POLQ: variants seen among roughly 807,000 people sequenced by gnomAD.
POLQ encodes epididymis secretory sperm binding protein.
Under a neutral mutation model 259.2 loss-of-function variants are expected in POLQ, and 233 were observed. The ratio of observed to expected loss-of-function variants is 0.90; its 90% CI spans 0.81 to 1.00. The LOEUF is 1.00. POLQ is among the 50% of genes least tolerant of loss of function. The probability of loss-of-function intolerance (pLI) is 0.00; values close to 1 mark genes in which losing one functional copy is unlikely to be tolerated. For missense variants in POLQ, 2,871 were observed against 3,051.6 expected (o/e 0.94, Z 1.39); for synonymous variants, 1,025 against 1,048.8 (o/e 0.98, Z 0.44).
Position 121,519,853 on chromosome 3 carries a change from A to G in POLQ, c.1468+18T>C. 1 of 1,337,850 alleles carries G rather than the reference A, an allele frequency of 7.5e-7. No individual in the cohort carries two copies. The highest frequency in any genetic ancestry group is 1.1e-6 in the Non-Finnish European group (1 of 928,526). The allele number at this position is 1,337,850 out of a possible 1,614,324, so 82.9% of individuals were successfully genotyped here. A position where few individuals can be genotyped will look rare whatever the true frequency, so the allele number is the denominator to read the frequency against. On this transcript the variant is annotated intron_variant, in intron 9 of 29. Coordinates refer to ENST00000264233, the MANE Select transcript of POLQ (RefSeq NM_199420.4). ...GTCCTTCAGCAATGCTGCTACAATT[A>G]AATTCAAACTCACTTACCTACTGTG... is the stretch of plus-strand genomic sequence containing the variant.
At chr3:121,450,680 C>G (rs1156392114) in intron 25 of POLQ, among the ~76,000 whole-genome samples, 2 of 152,146 alleles carry the variant, frequency 1.3e-5, no homozygotes, top group African/African-American at 4.8e-5. Context: ...ATGGGCTTCC[C>G]TTTGTGGGTA....
In POLQ at chr3:121,432,263, T is replaced by C. The variant is rs1177515087; in HGVS notation, c.*41A>G. On this transcript the variant is annotated 3_prime_UTR_variant, in exon 30 of 30. Coordinates refer to ENST00000264233, the MANE Select transcript of POLQ (RefSeq NM_199420.4). Reference sequence around the variant, plus strand: ...TCTCTGTTCTTTCCAGGTGACTGCATCTGCACAGGCTTCCCTGGGAGGACT... The same window carrying C: ...TCTCTGTTCTTTCCAGGTGACTGCACCTGCACAGGCTTCCCTGGGAGGACT... 2 of 1,553,884 alleles carry C rather than the reference T, an allele frequency of 1.3e-6. No homozygotes were observed. The highest frequency in any genetic ancestry group is 2.4e-5 in the East Asian group (1 of 42,138).
In POLQ at chr3:121,489,783, G is replaced by C; in HGVS notation, c.3148C>G (p.Arg1050Gly). The change falls in exon 16 of 30, where the codon CGA (arginine) becomes GGA (glycine). Residue 1050 changes from arginine (R) to glycine (G), a missense_variant. By Grantham distance (125) the Arg-to-Gly change is moderately radical. Around this residue, in one of 3 missense-constraint regions of POLQ, gnomAD observed 2,080 missense variants for 2,126.0 expected, o/e 0.98. Coordinates refer to ENST00000264233, the MANE Select transcript of POLQ (RefSeq NM_199420.4). ...RSWKRRKHLK[R>G]SRDSSPLKDS... is the part of the protein sequence containing the mutation. ...TTCAGGGGGCTGCTGTCCCTAGATC[G>C]CTTTAGATGCTTTCTACGTTTCCAA... is the stretch of plus-strand genomic sequence containing the variant. The C allele has an allele frequency of 6.2e-7, 1 of 1,612,458 alleles. No homozygotes were observed. The highest frequency in any genetic ancestry group is 2.2e-5 in the East Asian group (1 of 44,862).
chr3:121,537,174 T>A lies in POLQ; in HGVS notation c.666A>T (p.Gly222=). ...CCAGCAGATACCCTCGGTGAGAGTC[T>A]CCCAGCATATGTAATTCATCCACAA... is the stretch of plus-strand genomic sequence containing the variant. ...MVVVDELHML[G]DSHRGYLLEL... Residue 222 remains glycine (G), a synonymous_variant, in exon 5 of 30, where the codon GGA becomes GGT. Transcript: ENST00000264233. The A allele has an allele frequency of 6.2e-7, 1 of 1,603,788 alleles. No homozygotes were observed. Among genetic ancestry groups the A allele is most frequent in the African/African-American group, 1.3e-5 (1 of 74,758 alleles).
intron 24 of POLQ, among the ~76,000 whole-genome samples, chr3:121,460,589 T>A (rs1307236167): frequency 6.6e-6 from 1 of 152,158 alleles, no homozygotes; most frequent in African/African-American, 2.4e-5. Flanking sequence ...GAAGCTTAAT[T>A]TTCCTTTTCA....
intron 25 of POLQ, among the ~76,000 whole-genome samples, chr3:121,453,360 C>A (rs2047697100): frequency 6.6e-6 from 1 of 152,206 alleles, no homozygotes; most frequent in South Asian, 2.1e-4. Context: ...AACGCAGTTC[C>A]TCACCAGCAA....
chr3:121,485,258 T>A, intron 16 of POLQ, 74 bp from the exon 17 acceptor site: 1 of 1,056,524 alleles, frequency 9.5e-7, no homozygotes, highest in African/African-American at 1.6e-5. Context: ...AAAACAATTA[T>A]AATAAAAAAC....
chr3:121,536,476 AAAT>A (rs2048451787), intron 5 of POLQ, among the ~76,000 whole-genome samples: 1 of 152,312 alleles, frequency 6.6e-6, no homozygotes, highest in East Asian at 1.9e-4. Flanking sequence ...AGGGCTAAAA[AAAT>A]AATATTTTTT....
rs1195887006 is a variant in POLQ, at chr3:121,537,217, A to G, written c.632-9T>C. On this transcript the variant is annotated splice_polypyrimidine_tract_variant and intron_variant, in intron 4 of 29. Transcript: ENST00000264233. Reference sequence around the variant, plus strand: ...ATCCACAACCACCATTCCTAAAAAGATTTTCCAGATACTAGGTTTTTACAG... The same window carrying G: ...ATCCACAACCACCATTCCTAAAAAGGTTTTCCAGATACTAGGTTTTTACAG... 2.1e-6 allele frequency: 3 copies of G among 1,455,942 alleles called. No homozygotes were observed. Among genetic ancestry groups the G allele is most frequent in the South Asian group, 2.3e-5 (2 of 86,628 alleles). 90.2% of individuals were successfully genotyped at this position (1,455,942 alleles called of 1,614,324 possible).
At chr3:121,527,988 A>T (rs2048384501) in intron 7 of POLQ, among the ~76,000 whole-genome samples, 1 of 152,250 alleles carries the variant, frequency 6.6e-6, no homozygotes, top group Admixed American at 6.5e-5. Flanking sequence ...TAAAATTATT[A>T]CAGTAGTAGT....
intron 10 of POLQ, among the ~76,000 whole-genome samples, chr3:121,510,554 G>A (rs2048247510): frequency 6.6e-6 from 1 of 151,748 alleles, no homozygotes; most frequent in African/African-American, 2.4e-5. Flanking sequence ...TCCAGCCTGG[G>A]CGACAGAGCG....
At chr3:121,531,710 A>G (rs948338035) in intron 6 of POLQ, among the ~76,000 whole-genome samples, 1 of 152,242 alleles carries the variant, frequency 6.6e-6, no homozygotes, top group East Asian at 1.9e-4. Flanking sequence ...GGTAAGAAAT[A>G]TAAGTGGTTC....
intron 26 of POLQ, 123 bp from the exon 27 acceptor site, chr3:121,440,239 G>A (rs930011283): frequency 6.1e-5 from 39 of 640,724 alleles, no homozygotes; most frequent in South Asian, 9.8e-5. Context: ...ATATCATATC[G>A]TCAAATCAGG....
intron 18 of POLQ, among the ~76,000 whole-genome samples, chr3:121,483,000 A>G (rs1426901717): frequency 1.3e-5 from 2 of 152,152 alleles, no homozygotes; most frequent in African/African-American, 4.8e-5. Context: ...CATCTTATTC[A>G]CACTCTTTTC....
chr3:121,460,321 A>C, intron 24 of POLQ, 87 bp from the exon 25 acceptor site: 1 of 997,300 alleles, frequency 1.0e-6, no homozygotes, highest in Non-Finnish European at 1.5e-6. Flanking sequence ...GAGCAGGATG[A>C]CAAAAATTTT....
chr3:121,460,728 G>T (rs1271759097), intron 24 of POLQ, among the ~76,000 whole-genome samples: 2 of 152,140 alleles, frequency 1.3e-5, no homozygotes, highest in African/African-American at 4.8e-5. Flanking sequence ...AGAGAAATGT[G>T]TGCCCTGATT....
intron 16 of POLQ, among the ~76,000 whole-genome samples, chr3:121,485,708 G>T (rs1031434570): frequency 6.6e-6 from 1 of 152,106 alleles, no homozygotes; most frequent in African/African-American, 2.4e-5. Flanking sequence ...TAGGAACTTA[G>T]TACATATTTA....
chr3:121,481,918 T>A, intron 18 of POLQ, 106 bp from the exon 19 acceptor site: 1 of 1,001,870 alleles, frequency 1.0e-6, no homozygotes, highest in South Asian at 1.7e-5. Context: ...ACCTCACTCA[T>A]TTTCATTTAA....
At chr3:121,502,405 T>C (rs2048177924) in intron 12 of POLQ, among the ~76,000 whole-genome samples, 1 of 152,144 alleles carries the variant, frequency 6.6e-6, no homozygotes, top group Non-Finnish European at 1.5e-5. Context: ...GGCCTCACCA[T>C]GATGACCAGG....
Sources: allele counts gnomAD v4.1 joint callset (sites outside exome capture counted in the v4.1 genomes callset), GRCh38; gene constraint gnomAD v4.1.1; regional missense constraint gnomAD v4.1.1; transcripts MANE v1.5; gene names NCBI Gene and HGNC (gene_info 2026-07-23, HGNC 2026-07-21).